The following PPP2R5E variants were observed in gnomAD, a reference collection of about 807,000 sequenced individuals.
PPP2R5E encodes the protein serine/threonine-protein phosphatase 2A 56 kDa regulatory subunit epsilon isoform.
Under a neutral mutation model 65.3 loss-of-function variants are expected in PPP2R5E, and 4 were observed. The observed-to-expected ratio is 0.06, with a 90% confidence interval of 0.03 to 0.14. The LOEUF (loss-of-function observed/expected upper bound fraction) is 0.14, where lower values mean the gene tolerates loss of function less well. Among genes scored for constraint, PPP2R5E ranks in the 10% least tolerant of loss-of-function variants. The pLI, the probability that PPP2R5E is intolerant of heterozygous loss-of-function variation, is 1.00. For missense variants in PPP2R5E, 274 were observed against 556.1 expected, an observed-to-expected ratio of 0.49 and a Z score of 5.10; for synonymous variants, 183 against 187.4, an observed-to-expected ratio of 0.98 and a Z score of 0.19.
intron 3 of PPP2R5E, among the ~76,000 whole-genome samples, chr14:63,445,038 T>C (rs1442630666): frequency 2.0e-5 from 3 of 152,218 alleles, no homozygotes; most frequent in South Asian, 2.1e-4. Flanking sequence ...AATGGAAAGA[T>C]GTAAGGGATT....
chr14:63,398,360 G>C (rs916497414), intron 5 of PPP2R5E, among the ~76,000 whole-genome samples: 1 of 152,190 alleles, frequency 6.6e-6, no homozygotes, highest in African/African-American at 2.4e-5. Flanking sequence ...AAAATACCAA[G>C]ACAGTGTGGT....
intron 4 of PPP2R5E, among the ~76,000 whole-genome samples, chr14:63,415,985 G>A (rs1237784704): frequency 6.6e-6 from 1 of 152,102 alleles, no homozygotes; most frequent in African/African-American, 2.4e-5. Context: ...AAAGTTTATG[G>A]CAATTTCTAC....
intron 3 of PPP2R5E, among the ~76,000 whole-genome samples, chr14:63,439,579 G>C (rs868154867): frequency 6.6e-5 from 10 of 152,140 alleles, no homozygotes; most frequent in African/African-American, 2.4e-4. Flanking sequence ...TCTCCGTGTT[G>C]GTCAGGCTGG....
chr14:63,469,418 C>G (rs1053190011), intron 2 of PPP2R5E, among the ~76,000 whole-genome samples: 2 of 152,172 alleles, frequency 1.3e-5, no homozygotes, highest in Non-Finnish European at 2.9e-5. Context: ...AGTGGCCGGG[C>G]GCGGTGGCTC....
At position 63,440,737 on chromosome 14, in the gene PPP2R5E, G is replaced by A. The variant is rs112352946; in HGVS notation, c.354+12952C>T. 2.4e-3 allele frequency among the ~76,000 whole-genome samples: 346 copies of A among 145,576 alleles called. 2 individuals carry two copies. Among genetic ancestry groups the A allele is most frequent in the African/African-American group, 7.9e-3 (300 of 38,182 alleles). On this transcript the variant is annotated intron_variant, in intron 3 of 13. Coordinates refer to ENST00000337537, the MANE Select transcript of PPP2R5E (RefSeq NM_006246.5). ...GCGCATCATGAGCTCAGGGAATCGAGACCATCCTGGCTAACACAGTGAAAC... is the reference window on the plus strand; with the variant it reads ...GCGCATCATGAGCTCAGGGAATCGAAACCATCCTGGCTAACACAGTGAAAC...
At chr14:63,417,313 T>A (rs1886755513) in intron 4 of PPP2R5E, among the ~76,000 whole-genome samples, 1 of 152,170 alleles carries the variant, frequency 6.6e-6, no homozygotes, top group African/African-American at 2.4e-5. Context: ...CAGATACAAG[T>A]TTTCTAAAAT....
intron 2 of PPP2R5E, among the ~76,000 whole-genome samples, chr14:63,495,690 T>C (rs1594940378): frequency 6.7e-6 from 1 of 150,038 alleles, no homozygotes; most frequent in South Asian, 2.1e-4. Flanking sequence ...ATTTTTGGGG[T>C]TTTTTTGTTC....
At chr14:63,494,114 C>T (rs971242467) in intron 2 of PPP2R5E, among the ~76,000 whole-genome samples, 5 of 152,102 alleles carry the variant, frequency 3.3e-5, no homozygotes, top group South Asian at 4.1e-4. Flanking sequence ...TCTTAAGTAG[C>T]TCCCCACCAG....
At chr14:63,398,480 G>C (rs1049982100) in intron 5 of PPP2R5E, among the ~76,000 whole-genome samples, 4 of 152,220 alleles carry the variant, frequency 2.6e-5, no homozygotes, top group African/African-American at 9.6e-5. Context: ...AATAAACCAT[G>C]AAAAGTGCTC....
intron 3 of PPP2R5E, among the ~76,000 whole-genome samples, chr14:63,439,108 T>C (rs1594875470): frequency 6.6e-6 from 1 of 152,276 alleles, no homozygotes. Flanking sequence ...CAAGACTTCA[T>C]TGTAACCAGA....
intron 3 of PPP2R5E, among the ~76,000 whole-genome samples, chr14:63,444,557 C>A (rs1334568125): frequency 6.6e-6 from 1 of 151,642 alleles, no homozygotes; most frequent in African/African-American, 2.4e-5. Context: ...TGTCTTCACC[C>A]ATGAGATTTC....
At chr14:63,523,178 C>G (rs967630670) in intron 2 of PPP2R5E, among the ~76,000 whole-genome samples, 1,822 of 150,974 alleles carry the variant, frequency 0.012, 40 homozygotes, top group African/African-American at 0.043. Context: ...AGGAGCCCCT[C>G]TGCCCGGCCA....
chr14:63,516,655 C>T (rs1385842312), intron 2 of PPP2R5E, among the ~76,000 whole-genome samples: 1 of 152,154 alleles, frequency 6.6e-6, no homozygotes, highest in Non-Finnish European at 1.5e-5. Flanking sequence ...CCACCAATCC[C>T]GATGTTTCAC....
intron 2 of PPP2R5E, among the ~76,000 whole-genome samples, chr14:63,495,388 A>G (rs912300708): frequency 1.3e-5 from 2 of 149,280 alleles, no homozygotes; most frequent in African/African-American, 5.0e-5. Flanking sequence ...CCTGGCCAAC[A>G]TGGCAAAACC....
intron 7 of PPP2R5E, among the ~76,000 whole-genome samples, chr14:63,394,147 T>C (rs1186789053): frequency 7.2e-6 from 1 of 138,760 alleles, no homozygotes; most frequent in Non-Finnish European, 1.5e-5. Flanking sequence ...AGTGGCCCAA[T>C]CTCAGCTCAC....
chr14:63,514,076 T>G (rs1300871920), intron 2 of PPP2R5E, among the ~76,000 whole-genome samples: 1 of 152,178 alleles, frequency 6.6e-6, no homozygotes, highest in Non-Finnish European at 1.5e-5. Flanking sequence ...AAGCCCCAGA[T>G]ATGACAGGAA....
At chr14:63,397,379 G>A (rs1201324875) in intron 5 of PPP2R5E, among the ~76,000 whole-genome samples, 2 of 151,882 alleles carry the variant, frequency 1.3e-5, no homozygotes, top group Non-Finnish European at 2.9e-5. Flanking sequence ...GCGGGCACCT[G>A]TAATCCCAGC....
chr14:63,498,646 T>C (rs1233611510), intron 2 of PPP2R5E, among the ~76,000 whole-genome samples: 3 of 152,048 alleles, frequency 2.0e-5, no homozygotes, highest in African/African-American at 7.2e-5. Context: ...CAGCCGCGAC[T>C]TCCCCAAGCT....
chr14:63,542,632 G>C (rs1355683323), intron 1 of PPP2R5E, 147 bp downstream of exon 1: 7 of 152,400 alleles, frequency 4.6e-5, no homozygotes, highest in Admixed American at 1.3e-4. Flanking sequence ...CAAGTGGGAC[G>C]GGCGCTCCCG....
Sources: allele counts gnomAD v4.1 joint callset (sites outside exome capture counted in the v4.1 genomes callset), GRCh38; gene constraint gnomAD v4.1.1; transcripts MANE v1.5; gene names NCBI Gene and HGNC (gene_info 2026-07-23, HGNC 2026-07-21).